The following SLC23A2 variants were observed in gnomAD, a reference collection of about 807,000 sequenced individuals.
SLC23A2 encodes Na(+)/L-ascorbic acid transporter 2.
In SLC23A2, 36 loss-of-function variants were observed where a neutral mutation model predicts 73.3. The ratio of observed to expected loss-of-function variants is 0.49; its 90% CI spans 0.38 to 0.65. The LOEUF is 0.65. Ranked by LOEUF, SLC23A2 falls within the 30% of genes least tolerant of loss-of-function variation. SLC23A2 has a pLI of 0.00. For synonymous variants in SLC23A2, 343 were observed against 327.3 expected (o/e 1.05, Z -0.52); for missense variants, 507 against 841.6 (o/e 0.60, Z 4.92).
intron 1 of SLC23A2, among the ~76,000 whole-genome samples, chr20:4,995,588 G>A (rs1255697891): frequency 3.3e-5 from 5 of 151,974 alleles, no homozygotes; most frequent in Admixed American, 2.0e-4. Context: ...CTGATCCCTC[G>A]ATCTGGAATG....
chr20:4,925,536 C>G (rs1183380243), intron 3 of SLC23A2, among the ~76,000 whole-genome samples: 1 of 152,176 alleles, frequency 6.6e-6, no homozygotes. Context: ...GAATTCCTTT[C>G]CTCCGCACTT....
chr20:4,913,424 G>A (rs925407665), intron 3 of SLC23A2, among the ~76,000 whole-genome samples: 94 of 152,262 alleles, frequency 6.2e-4, no homozygotes, highest in African/African-American at 1.9e-3. Flanking sequence ...TCGGTAAGGG[G>A]CCACACCATC....
In SLC23A2 at chr20:4,858,261, G is replaced by A. The variant is rs115938446; in HGVS notation, c.1720+1028C>T. Among the ~76,000 whole-genome samples, 416 of 152,306 alleles carry A rather than the reference G, an allele frequency of 2.7e-3. 2 individuals carry two copies. Among genetic ancestry groups the A allele is most frequent in the African/African-American group, 9.7e-3 (403 of 41,554 alleles). ...CTGGCCACTCTGCACCCTGACAGATGGGTCAGGGAGGAAGCTCTGAGCACA... is the reference window on the plus strand; with the variant it reads ...CTGGCCACTCTGCACCCTGACAGATAGGTCAGGGAGGAAGCTCTGAGCACA... On this transcript the variant is annotated intron_variant, in intron 16 of 16. Transcript: ENST00000338244.
chr20:4,993,047 G>A (rs965526050), intron 1 of SLC23A2, among the ~76,000 whole-genome samples: 2 of 151,814 alleles, frequency 1.3e-5, no homozygotes, highest in Non-Finnish European at 2.9e-5. Flanking sequence ...GGGAGGCCGA[G>A]GCAGGTGGAT....
intron 13 of SLC23A2, among the ~76,000 whole-genome samples, chr20:4,865,793 C>T (rs962832296): frequency 1.3e-5 from 2 of 152,106 alleles, no homozygotes; most frequent in Admixed American, 1.3e-4. Context: ...ATGTAGCCTA[C>T]ACACATCCTC....
chr20:4,900,063 T>G (rs941117844), intron 5 of SLC23A2, among the ~76,000 whole-genome samples: 1 of 152,062 alleles, frequency 6.6e-6, no homozygotes, highest in Non-Finnish European at 1.5e-5. Flanking sequence ...TAGCGATGGG[T>G]TTTCACCGTG....
intron 3 of SLC23A2, among the ~76,000 whole-genome samples, chr20:4,920,943 G>T (rs1431141477): frequency 1.3e-5 from 2 of 152,278 alleles, no homozygotes; most frequent in East Asian, 3.9e-4. Flanking sequence ...TACTCCGCAG[G>T]AATAAAGGGG....
At chr20:4,865,655 CA>C (rs1930164059) in intron 13 of SLC23A2, among the ~76,000 whole-genome samples, 1 of 152,062 alleles carries the variant, frequency 6.6e-6, no homozygotes, top group Admixed American at 6.6e-5. Context: ...CCTTCATCTA[CA>C]ACAATTTTAC....
chr20:4,917,236 G>T (rs948621443), intron 3 of SLC23A2, among the ~76,000 whole-genome samples: 33 of 152,200 alleles, frequency 2.2e-4, no homozygotes, highest in African/African-American at 8.0e-4. Flanking sequence ...GGTGCAGCAG[G>T]AGAGTGGATG....
chr20:4,856,060 C>G lies in SLC23A2; in HGVS notation c.*912G>C, dbSNP rs1568597611. ...TTCCAAAATCTGCTATAGTCAATAACATTAAATAGGAATAAAACCTTGTAA... is the reference window on the plus strand; with the variant it reads ...TTCCAAAATCTGCTATAGTCAATAAGATTAAATAGGAATAAAACCTTGTAA... On this transcript the variant is annotated 3_prime_UTR_variant, in exon 17 of 17. Coordinates refer to ENST00000338244, the MANE Select transcript of SLC23A2 (RefSeq NM_005116.6). This position sits in a 1 kb window ranked among gnomAD's most constrained non-coding sequence, Gnocchi z 4.6. 1 of 152,530 alleles carries G rather than the reference C, an allele frequency of 6.6e-6. No individual in the cohort carries two copies. Among genetic ancestry groups the G allele is most frequent in the Non-Finnish European group, 1.5e-5 (1 of 68,034 alleles). The allele number at this position is 152,530 out of a possible 1,614,324, so 9.4% of individuals were successfully genotyped here. A position where few individuals can be genotyped will look rare whatever the true frequency, so the allele number is the denominator to read the frequency against.
chr20:4,910,687 C>G (rs1469808250), intron 4 of SLC23A2, among the ~76,000 whole-genome samples: 2 of 152,156 alleles, frequency 1.3e-5, no homozygotes. Flanking sequence ...CCACCCATCT[C>G]GGCCTCCCAA....
chr20:4,879,886 C>T (rs937918977), intron 9 of SLC23A2, among the ~76,000 whole-genome samples: 1 of 152,110 alleles, frequency 6.6e-6, no homozygotes, highest in Non-Finnish European at 1.5e-5. Flanking sequence ...ATTTAAAAAA[C>T]AAATTAAGGG....
Position 4,861,548 on chromosome 20 carries a change from T to G in SLC23A2, c.1624+400A>C, listed in dbSNP as rs571958304. Among the ~76,000 whole-genome samples, 21 of 152,302 alleles carry G rather than the reference T, an allele frequency of 1.4e-4. 1 individual carries two copies. The highest frequency in any genetic ancestry group is 4.8e-4 in the African/African-American group (20 of 41,570). ...AATCTTGAATGCACAAGCCACGTGA[T>G]TTTGCTCTGAGGAGTTAATAGGATA... On this transcript the variant is annotated intron_variant, in intron 15 of 16. Coordinates refer to ENST00000338244, the MANE Select transcript of SLC23A2 (RefSeq NM_005116.6).
At chr20:4,894,154 T>C (rs1197924067) in intron 6 of SLC23A2, among the ~76,000 whole-genome samples, 1 of 152,060 alleles carries the variant, frequency 6.6e-6, no homozygotes, top group Non-Finnish European at 1.5e-5. Flanking sequence ...TGTTGAAACC[T>C]CGCTCAGGGG....
At chr20:4,988,354 C>A (rs1435038687) in intron 1 of SLC23A2, among the ~76,000 whole-genome samples, 1 of 73,424 alleles carries the variant, frequency 1.4e-5, no homozygotes, top group Non-Finnish European at 2.4e-5. Flanking sequence ...GTAATCCCTG[C>A]ACTTTGGGAA....
At position 4,857,130 on chromosome 20, in the gene SLC23A2, C is replaced by A; in HGVS notation, c.1795G>T (p.Glu599Ter). 1 of 1,614,156 alleles carries A rather than the reference C, an allele frequency of 6.2e-7. No individual in the cohort carries two copies. Among genetic ancestry groups the A allele is most frequent in the Non-Finnish European group, 8.5e-7 (1 of 1,179,980 alleles). ...GKGNKSLDGM[E>*]SYNLPFGMNI... ...ATGCCAAATGGCAAATTGTACGACT[C>A]CATGCCGTCGAGTGATTTGTTCCCT... The change falls in exon 17 of 17, where the codon GAG (glutamate) becomes TAG (stop). Residue 599 changes from glutamate to a stop codon, truncating the protein, a stop_gained. Transcript: ENST00000338244. LOFTEE classifies it high-confidence loss of function. This position sits in a 1 kb window ranked among gnomAD's most constrained non-coding sequence, Gnocchi z 4.0.
rs1247367865 is a variant in SLC23A2, at chr20:4,899,185, A to T, written c.482+370T>A. Among the ~76,000 whole-genome samples the T allele has an allele frequency of 6.6e-6, 1 of 152,164 alleles. No individual in the cohort carries two copies. Among genetic ancestry groups the T allele is most frequent in the Non-Finnish European group, 1.5e-5 (1 of 68,018 alleles). Reference sequence around the variant, plus strand: ...TGGGTGTGGGGCACAAAGTGAGTCCAAGAGCAGTGCCCTGGAGGCAGGGAA... The same window carrying T: ...TGGGTGTGGGGCACAAAGTGAGTCCTAGAGCAGTGCCCTGGAGGCAGGGAA... On this transcript the variant is annotated intron_variant, in intron 6 of 16. Transcript: ENST00000338244. The surrounding 1 kb of genome is among the most constrained non-coding windows in gnomAD (Gnocchi z 4.9).
intron 1 of SLC23A2, among the ~76,000 whole-genome samples, chr20:5,000,886 G>T (rs11697446): frequency 1.4e-3 from 216 of 152,326 alleles, no homozygotes; most frequent in Non-Finnish European, 2.5e-3. Context: ...AGTCTTTGTA[G>T]AAGGGAAGAA....
In SLC23A2 at chr20:4,947,551, T is replaced by C. The variant is rs745798459; in HGVS notation, c.-154-14835A>G. Among the ~76,000 whole-genome samples the C allele has an allele frequency of 1.3e-5, 2 of 152,218 alleles. No individual in the cohort carries two copies. The highest frequency in any genetic ancestry group is 2.9e-5 in the Non-Finnish European group (2 of 68,038). On this transcript the variant is annotated intron_variant, in intron 2 of 16. Coordinates refer to ENST00000338244, the MANE Select transcript of SLC23A2 (RefSeq NM_005116.6). The surrounding 1 kb of genome is among the most constrained non-coding windows in gnomAD (Gnocchi z 4.4). ...CAACAAGATAAAAACATGTGCATAA[T>C]GAACTATCAAGTCCCAGGCACAAAC...
Sources: allele counts gnomAD v4.1 joint callset (sites outside exome capture counted in the v4.1 genomes callset), GRCh38; gene constraint gnomAD v4.1.1; non-coding constraint Gnocchi (gnomAD v3.1); transcripts MANE v1.5; gene names NCBI Gene and HGNC (gene_info 2026-07-23, HGNC 2026-07-21).